AGBL1: variants seen among roughly 807,000 people sequenced by gnomAD.
The protein encoded by AGBL1 is AGBL carboxypeptidase 1.
A neutral mutation model predicts 118.9 loss-of-function variants in AGBL1; 130 were observed. That is an observed-to-expected ratio of 1.09 (90% CI 0.95 to 1.26). The LOEUF is 1.26. Among genes scored for constraint, AGBL1 ranks in the 50% most tolerant of loss-of-function variants. AGBL1 has a pLI of 0.00. For synonymous variants in AGBL1, 555 were observed against 478.9 expected, an observed-to-expected ratio of 1.16 and a Z score of -2.08; for missense variants, 1,584 against 1,298.1, an observed-to-expected ratio of 1.22 and a Z score of -3.38.
intron 18 of AGBL1, among the ~76,000 whole-genome samples, chr15:86,433,524 C>A (rs113580278): frequency 0.02 from 3,109 of 152,160 alleles, 42 homozygotes; most frequent in Middle Eastern, 0.065. Context: ...AATCCTGCCC[C>A]TTGACTGACA....
chr15:86,721,792 G>A (rs964577574), intron 22 of AGBL1, among the ~76,000 whole-genome samples: 15 of 151,642 alleles, frequency 9.9e-5, no homozygotes, highest in Non-Finnish European at 1.8e-4. Context: ...TAAGCTGATA[G>A]GCAACTTCAG....
In AGBL1 at chr15:86,546,046, C is replaced by G. The variant is rs1279599597; in HGVS notation, c.2730C>G (p.Phe910Leu). 4 of 1,613,154 alleles carry G rather than the reference C, an allele frequency of 2.5e-6. No homozygotes were observed. In the East Asian group the frequency reaches 8.9e-5, roughly 36 times the overall value. The change falls in exon 20 of 23, where the codon TTC (phenylalanine) becomes TTG (leucine). Residue 910 changes from phenylalanine to leucine, a missense_variant. Coordinates refer to ENST00000614907, the MANE Select transcript of AGBL1 (RefSeq NM_001386094.1). Reference protein sequence around the residue: ...FHGHSQKKNVFLYGCSIKETL... With the variant: ...FHGHSQKKNVLLYGCSIKETL... ...GCCACTCCCAAAAGAAGAATGTGTT[C>G]CTTTATGGCTGTAGCATCAAGGAAA...
chr15:86,724,293 A>C (rs1180215168), intron 22 of AGBL1, among the ~76,000 whole-genome samples: 4 of 151,796 alleles, frequency 2.6e-5, no homozygotes, highest in South Asian at 2.1e-4. Context: ...AATGGCTAAA[A>C]ATCAATGACA....
chr15:86,365,544 G>A (rs1245032454), intron 17 of AGBL1, among the ~76,000 whole-genome samples: 10 of 152,122 alleles, frequency 6.6e-5, no homozygotes, highest in African/African-American at 2.4e-4. Context: ...CGGAGAGTGG[G>A]TAATTGAATT....
intron 22 of AGBL1, among the ~76,000 whole-genome samples, chr15:86,760,951 C>T (rs114146758): frequency 8.2e-4 from 124 of 152,132 alleles, no homozygotes; most frequent in African/African-American, 2.9e-3. Flanking sequence ...TGGTAAGCAC[C>T]CTTAAAAGGG....
At chr15:86,410,481 T>C (rs563368768) in intron 18 of AGBL1, among the ~76,000 whole-genome samples, 34 of 152,182 alleles carry the variant, frequency 2.2e-4, no homozygotes, top group Non-Finnish European at 3.8e-4. Context: ...GACAATTTAC[T>C]TAACTTCTCT....
intron 18 of AGBL1, among the ~76,000 whole-genome samples, chr15:86,405,863 G>T (rs2081520455): frequency 6.6e-6 from 1 of 152,050 alleles, no homozygotes; most frequent in East Asian, 1.9e-4. Flanking sequence ...AACTGTAGAG[G>T]CAGCTACCAC....
At chr15:86,721,574 T>C (rs1374806341) in intron 22 of AGBL1, among the ~76,000 whole-genome samples, 21 of 152,086 alleles carry the variant, frequency 1.4e-4, no homozygotes, top group African/African-American at 2.9e-4. Flanking sequence ...AAACTGGAAG[T>C]ATTCCCTTTG....
At chr15:86,898,503 T>A (rs7176964) in intron 22 of AGBL1, among the ~76,000 whole-genome samples, 24,520 of 152,088 alleles carry the variant, frequency 0.16, 2,743 homozygotes, top group African/African-American at 0.32. Flanking sequence ...TTGTCAAAGA[T>A]CCTAGATGAA....
At chr15:86,263,717 C>T (rs934927174) in intron 10 of AGBL1, among the ~76,000 whole-genome samples, 1 of 152,142 alleles carries the variant, frequency 6.6e-6, no homozygotes, top group African/African-American at 2.4e-5. Flanking sequence ...ACTGTTGCTG[C>T]CATCGATATT....
intron 18 of AGBL1, among the ~76,000 whole-genome samples, chr15:86,500,683 A>G (rs2082907753): frequency 6.6e-6 from 1 of 151,638 alleles, no homozygotes; most frequent in African/African-American, 2.4e-5. Context: ...CCCAGCAATC[A>G]CTAATGTGCT....
intron 1 of AGBL1, among the ~76,000 whole-genome samples, chr15:86,127,684 C>T (rs1255905213): frequency 6.6e-6 from 1 of 152,252 alleles, no homozygotes; most frequent in Non-Finnish European, 1.5e-5. Context: ...AGCTGGGCTA[C>T]AAGTTCCATC....
At chr15:86,710,204 A>C (rs1437121455) in intron 22 of AGBL1, among the ~76,000 whole-genome samples, 1 of 152,196 alleles carries the variant, frequency 6.6e-6, no homozygotes, top group Admixed American at 6.5e-5. Context: ...CCAATCCTTC[A>C]GATGCATTAC....
intron 21 of AGBL1, among the ~76,000 whole-genome samples, chr15:86,622,328 C>G (rs1421221862): frequency 3.8e-5 from 5 of 133,076 alleles, no homozygotes; most frequent in Non-Finnish European, 6.1e-5. Context: ...GAGACTCCAT[C>G]TCAAAAAAAA....
chr15:86,334,153 C>G (rs1018889287), intron 17 of AGBL1, among the ~76,000 whole-genome samples: 14 of 152,256 alleles, frequency 9.2e-5, no homozygotes, highest in Non-Finnish European at 1.5e-4. Flanking sequence ...CACTCCTATT[C>G]AACATACTAC....
intron 22 of AGBL1, among the ~76,000 whole-genome samples, chr15:86,708,203 A>G (rs1048544118): frequency 9.2e-5 from 14 of 152,152 alleles, no homozygotes; most frequent in Non-Finnish European, 1.9e-4. Context: ...TATTTGGCCA[A>G]TATTGGATTG....
At chr15:86,700,358 A>C (rs575453066) in intron 22 of AGBL1, among the ~76,000 whole-genome samples, 1 of 151,910 alleles carries the variant, frequency 6.6e-6, no homozygotes, top group East Asian at 1.9e-4. Flanking sequence ...TACATTCCCC[A>C]ATTCATCTCT....
chr15:86,869,792 C>T (rs1293910366), intron 22 of AGBL1, among the ~76,000 whole-genome samples: 1 of 152,146 alleles, frequency 6.6e-6, no homozygotes, highest in Non-Finnish European at 1.5e-5. Flanking sequence ...CATACCTTAT[C>T]CCAAGTGGCC....
At chr15:86,585,204 T>C (rs1311652117) in intron 21 of AGBL1, among the ~76,000 whole-genome samples, 1 of 152,084 alleles carries the variant, frequency 6.6e-6, no homozygotes, top group Non-Finnish European at 1.5e-5. Flanking sequence ...CTCTGGCTAG[T>C]ACTTCCTCAG....
Sources: allele counts gnomAD v4.1 joint callset (sites outside exome capture counted in the v4.1 genomes callset), GRCh38; gene constraint gnomAD v4.1.1; transcripts MANE v1.5; gene names NCBI Gene and HGNC (gene_info 2026-07-23, HGNC 2026-07-21).